Variants in PLCB1 observed in about 807,000 individuals in gnomAD.
The protein encoded by PLCB1 is 1-phosphatidylinositol 4,5-bisphosphate phosphodiesterase beta-1.
Under a neutral mutation model 161.8 loss-of-function variants are expected in PLCB1, and 46 were observed. The observed-to-expected ratio is 0.28, with a 90% CI of 0.22 to 0.36. The LOEUF is 0.36. Ranked by LOEUF, PLCB1 falls within the 10% of genes least tolerant of loss-of-function variation. PLCB1 has a pLI of 1.00. For missense variants in PLCB1, 1,016 were observed against 1,472.5 expected (o/e 0.69, Z 5.07); for synonymous variants, 517 against 503.7 (o/e 1.03, Z -0.35).
chr20:8,646,633 A>C (rs1027094320), intron 5 of PLCB1, among the ~76,000 whole-genome samples: 5 of 152,214 alleles, frequency 3.3e-5, no homozygotes, highest in Admixed American at 3.3e-4. Flanking sequence ...CAATAGGCTG[A>C]CATCCTGATT....
At chr20:8,803,752 G>T (rs1390378620) in intron 31 of PLCB1, among the ~76,000 whole-genome samples, 1 of 151,940 alleles carries the variant, frequency 6.6e-6, no homozygotes, top group Non-Finnish European at 1.5e-5. Flanking sequence ...TGTTACTCTT[G>T]TTACTGCCCT....
chr20:8,691,005 G>A (rs557294528), intron 10 of PLCB1, among the ~76,000 whole-genome samples: 9 of 152,134 alleles, frequency 5.9e-5, no homozygotes, highest in Non-Finnish European at 8.8e-5. Context: ...AGGAAATTAA[G>A]GAGAATTCCA....
chr20:8,239,226 G>A (rs578128250), intron 2 of PLCB1, among the ~76,000 whole-genome samples: 6 of 152,082 alleles, frequency 3.9e-5, no homozygotes, highest in South Asian at 2.1e-4. Flanking sequence ...TATGTGGTCC[G>A]ATGAGTATTG....
At position 8,294,051 on chromosome 20, in the gene PLCB1, A is replaced by T. The variant is rs186612733; in HGVS notation, c.178-77331A>T. 3.3e-5 allele frequency among the ~76,000 whole-genome samples: 5 copies of T among 152,286 alleles called. No individual in the cohort carries two copies. In the East Asian group the frequency reaches 7.7e-4, roughly 24 times the overall value. ...TCCACTGTGTGCTGGAAATGAGAGG[A>T]ATGTTTTTCATTCCCAACCTTTTTA... On this transcript the variant is annotated intron_variant, in intron 2 of 31. Transcript: ENST00000338037.
chr20:8,195,731 C>G (rs2052016623), intron 2 of PLCB1, among the ~76,000 whole-genome samples: 1 of 152,080 alleles, frequency 6.6e-6, no homozygotes, highest in African/African-American at 2.4e-5. Flanking sequence ...GTTCCTTAGT[C>G]TTTCCTTGTC....
chr20:8,526,558 G>T (rs1984591813), intron 3 of PLCB1, among the ~76,000 whole-genome samples: 2 of 152,002 alleles, frequency 1.3e-5, no homozygotes, highest in African/African-American at 4.8e-5. Flanking sequence ...ATTTCCATCG[G>T]CCTTTCCTGG....
intron 2 of PLCB1, among the ~76,000 whole-genome samples, chr20:8,162,920 G>C (rs2051639958): frequency 6.6e-6 from 1 of 152,202 alleles, no homozygotes; most frequent in African/African-American, 2.4e-5. Flanking sequence ...ACATATCAGA[G>C]TATATGCCTT....
In PLCB1 at chr20:8,160,098, G is replaced by T. The variant is rs151273776; in HGVS notation, c.177+9727G>T. 2.2e-4 allele frequency among the ~76,000 whole-genome samples: 33 copies of T among 151,888 alleles called. No homozygotes were observed. In the East Asian group the frequency reaches 5.8e-3, roughly 27 times the overall value. Reference sequence around the variant, plus strand: ...ATCTCCAGGGCAGGGGAAAAATGCTGCCAGTCTCTTTGCTAAAACATAACA... The same window carrying T: ...ATCTCCAGGGCAGGGGAAAAATGCTTCCAGTCTCTTTGCTAAAACATAACA... On this transcript the variant is annotated intron_variant, in intron 2 of 31. Coordinates refer to ENST00000338037, the MANE Select transcript of PLCB1 (RefSeq NM_015192.4).
At chr20:8,713,332 A>G (rs1979123181) in intron 12 of PLCB1, among the ~76,000 whole-genome samples, 1 of 152,064 alleles carries the variant, frequency 6.6e-6, no homozygotes, top group Non-Finnish European at 1.5e-5. Flanking sequence ...ACAGGCACGC[A>G]CCACCACAAC....
chr20:8,242,482 T>G (rs779780105), intron 2 of PLCB1, among the ~76,000 whole-genome samples: 38 of 151,910 alleles, frequency 2.5e-4, no homozygotes, highest in Non-Finnish European at 5.0e-4. Flanking sequence ...TAAGGAGTAC[T>G]TAAAGGCCAC....
chr20:8,365,801 A>G (rs1254369695), intron 2 of PLCB1, among the ~76,000 whole-genome samples: 1 of 152,144 alleles, frequency 6.6e-6, no homozygotes, highest in Non-Finnish European at 1.5e-5. Flanking sequence ...CCAGCCATTA[A>G]TATCTTCTCT....
chr20:8,795,554 G>A (rs1336841075), intron 31 of PLCB1, among the ~76,000 whole-genome samples: 5 of 152,192 alleles, frequency 3.3e-5, no homozygotes, highest in African/African-American at 1.2e-4. Flanking sequence ...TTTTGTTTGA[G>A]TTGTGGCTTT....
intron 9 of PLCB1, among the ~76,000 whole-genome samples, chr20:8,664,149 A>G (rs1260434094): frequency 6.6e-6 from 1 of 152,162 alleles, no homozygotes; most frequent in East Asian, 1.9e-4. Context: ...TTAATGTAGC[A>G]GATTATAATA....
intron 3 of PLCB1, among the ~76,000 whole-genome samples, chr20:8,528,388 A>G (rs1984665778): frequency 6.6e-6 from 1 of 152,098 alleles, no homozygotes; most frequent in Admixed American, 6.6e-5. Context: ...AATAGATCTA[A>G]AAAAAGTTGA....
chr20:8,831,335 AC>A (rs1424473195), intron 31 of PLCB1: 2 of 152,822 alleles, frequency 1.3e-5, no homozygotes, highest in Non-Finnish European at 2.9e-5. Context: ...GCATATTCCT[AC>A]AACTTCTCAG....
At chr20:8,394,793 T>C (rs1305309713) in intron 3 of PLCB1, among the ~76,000 whole-genome samples, 3 of 152,164 alleles carry the variant, frequency 2.0e-5, no homozygotes, top group Admixed American at 2.0e-4. Context: ...TGTTTTTCTT[T>C]AGGTATTTGC....
chr20:8,632,035 C>CTTTTTTTTTTTG (rs1568537430), intron 4 of PLCB1, among the ~76,000 whole-genome samples: 15 of 45,978 alleles, frequency 3.3e-4, no homozygotes, highest in Non-Finnish European at 4.8e-4. Context: ...GTTTTTTTTG[C>CTTTTTTTTTTTG]TTTTTTTTTT....
intron 2 of PLCB1, among the ~76,000 whole-genome samples, chr20:8,195,005 T>G (rs2052006791): frequency 6.6e-6 from 1 of 152,074 alleles, no homozygotes; most frequent in Non-Finnish European, 1.5e-5. Flanking sequence ...AATATCTAAA[T>G]TTTTAGACCT....
chr20:8,802,291 T>G (rs1230104665), intron 31 of PLCB1: 8 of 587,830 alleles, frequency 1.4e-5, no homozygotes, highest in African/African-American at 1.3e-4. Flanking sequence ...CATTCCCATC[T>G]TTTTTTTCTG....
Sources: gnomAD v4.1 joint callset for allele counts (sites outside exome capture counted in the v4.1 genomes callset) on GRCh38, gnomAD v4.1.1 for gene constraint, MANE v1.5 for transcripts, NCBI Gene and HGNC (gene_info 2026-07-23, HGNC 2026-07-21) for gene names.